Variants in GNAO1 observed in about 807,000 individuals in gnomAD.
GNAO1 encodes the protein G protein subunit alpha o1.
For missense variants in GNAO1, 166 were observed against 478.7 expected (o/e 0.35, Z 6.10); for synonymous variants, 164 against 180.7 (o/e 0.91, Z 0.74).
intron 2 of GNAO1, among the ~76,000 whole-genome samples, chr16:56,212,132 T>C (rs2036395053): frequency 6.6e-6 from 1 of 152,234 alleles, no homozygotes; most frequent in Non-Finnish European, 1.5e-5. Flanking sequence ...TGGCTTTTAC[T>C]GTTTAAAAAA....
At chr16:56,294,615 T>G (rs764019136) in intron 3 of GNAO1, among the ~76,000 whole-genome samples, 2 of 152,162 alleles carry the variant, frequency 1.3e-5, no homozygotes, top group Non-Finnish European at 2.9e-5. Context: ...TGTTTTCATT[T>G]CTTGTGGTAA....
intron 3 of GNAO1, among the ~76,000 whole-genome samples, chr16:56,314,349 A>C (rs34541615): frequency 0.21 from 32,540 of 152,088 alleles, 4,378 homozygotes; most frequent in East Asian, 0.59. Context: ...CTGAAATCCT[A>C]CTGCTTGCCG....
chr16:56,236,762 GA>G (rs2036641266), intron 2 of GNAO1, among the ~76,000 whole-genome samples: 1 of 152,182 alleles, frequency 6.6e-6, no homozygotes, highest in Non-Finnish European at 1.5e-5. Context: ...CTATGGCTTT[GA>G]GGGACTTTTG....
chr16:56,250,683 T>G (rs2036791480), intron 2 of GNAO1, among the ~76,000 whole-genome samples: 2 of 152,196 alleles, frequency 1.3e-5, no homozygotes, highest in African/African-American at 4.8e-5. Context: ...CCTGGGGCTG[T>G]AAGGATGTTA....
At chr16:56,341,678 T>G (rs755706211) in intron 6 of GNAO1, among the ~76,000 whole-genome samples, 8 of 152,160 alleles carry the variant, frequency 5.3e-5, no homozygotes, top group Non-Finnish European at 8.8e-5. Flanking sequence ...CTGCCAGTGC[T>G]GTGGTGGGTT....
chr16:56,334,895 T>C, intron 5 of GNAO1, 38 bp downstream of exon 5: 1 of 1,609,186 alleles, frequency 6.2e-7, no homozygotes, highest in Non-Finnish European at 8.5e-7. Flanking sequence ...TGGCGAGGGC[T>C]AAGATGGGAC....
chr16:56,298,212 T>C (rs77143940), intron 3 of GNAO1, among the ~76,000 whole-genome samples: 2,223 of 152,262 alleles, frequency 0.015, 39 homozygotes, highest in South Asian at 0.059. Context: ...TAGGATGATC[T>C]TCCGTATGTG....
At chr16:56,195,062 CCTTTA>C (rs1567433399) in intron 2 of GNAO1, among the ~76,000 whole-genome samples, 1 of 136,822 alleles carries the variant, frequency 7.3e-6, no homozygotes, top group Non-Finnish European at 1.5e-5. Flanking sequence ...CTTCTCTTTC[CCTTTA>C]CTTCTCCTTT....
chr16:56,210,099 A>G (rs1490129536), intron 2 of GNAO1, among the ~76,000 whole-genome samples: 1 of 152,198 alleles, frequency 6.6e-6, no homozygotes, highest in East Asian at 1.9e-4. Flanking sequence ...TACTGTCGCT[A>G]TAGCTTTGCC....
Position 56,332,862 on chromosome 16 carries a change from T to A in GNAO1, c.465-1867T>A, listed in dbSNP as rs193261532. 1.5e-3 allele frequency among the ~76,000 whole-genome samples: 232 copies of A among 152,358 alleles called. 2 individuals are homozygous for A. The highest frequency in any genetic ancestry group is 0.014 in the Admixed American group (211 of 15,308). ...CTGCAGATGACAGCAGAGGGCGTCC[T>A]CACAGCTTGGAAGCAGAGGTCATGG... On this transcript the variant is annotated intron_variant, in intron 4 of 8. Coordinates refer to ENST00000262493, the MANE Select transcript of GNAO1 (RefSeq NM_020988.3).
intron 2 of GNAO1, among the ~76,000 whole-genome samples, chr16:56,229,717 A>T (rs2036570402): frequency 6.6e-6 from 1 of 152,212 alleles, no homozygotes; most frequent in Non-Finnish European, 1.5e-5. Flanking sequence ...TCTCCATTTC[A>T]CAGATTAAAA....
intron 2 of GNAO1, among the ~76,000 whole-genome samples, chr16:56,261,190 G>A (rs1333388340): frequency 6.6e-6 from 1 of 152,226 alleles, no homozygotes; most frequent in Non-Finnish European, 1.5e-5. Flanking sequence ...TCCTCTCAGA[G>A]GACATGAGAA....
intron 3 of GNAO1, among the ~76,000 whole-genome samples, chr16:56,314,400 G>C (rs2037487887): frequency 6.6e-6 from 1 of 152,194 alleles, no homozygotes; most frequent in Non-Finnish European, 1.5e-5. Context: ...ATGAAGGAAG[G>C]GATGAGTCCG....
Position 56,351,588 on chromosome 16 carries a change from C to G in GNAO1, c.877+51C>G. 2 of 1,480,108 alleles carry G rather than the reference C, an allele frequency of 1.4e-6. No individual in the cohort carries two copies. The highest frequency in any genetic ancestry group is 1.9e-6 in the Non-Finnish European group (2 of 1,070,558). The allele number at this position is 1,480,108 out of a possible 1,614,324, so 91.7% of individuals were successfully genotyped here. On this transcript the variant is annotated intron_variant, in intron 7 of 8. Transcript: ENST00000262493. This position sits in a 1 kb window ranked among gnomAD's most constrained non-coding sequence, Gnocchi z 6.1. ...GGGGAAGCCTGCCCCTGACAGGGAC[C>G]CATGGCTCAGAGAACAGGCTGCTCG...
intron 2 of GNAO1, among the ~76,000 whole-genome samples, chr16:56,200,904 A>G (rs1302637673): frequency 6.6e-6 from 1 of 152,184 alleles, no homozygotes; most frequent in East Asian, 1.9e-4. Flanking sequence ...CCATTTTCAG[A>G]TTGCAACAGA....
chr16:56,199,954 C>G (rs544972197), intron 2 of GNAO1, among the ~76,000 whole-genome samples: 7 of 152,234 alleles, frequency 4.6e-5, no homozygotes, highest in African/African-American at 1.7e-4. Context: ...GTCAACCATC[C>G]TAGAAATAAG....
intron 2 of GNAO1, among the ~76,000 whole-genome samples, chr16:56,241,904 G>A (rs2143429154): frequency 6.6e-6 from 1 of 152,370 alleles, no homozygotes; most frequent in East Asian, 1.9e-4. Context: ...GGCAGAAACT[G>A]GCCTGAGCTG....
chr16:56,301,366 G>A (rs374117873), intron 3 of GNAO1, among the ~76,000 whole-genome samples: 9 of 152,142 alleles, frequency 5.9e-5, no homozygotes, highest in Admixed American at 2.0e-4. Context: ...GGGATGTGGG[G>A]GAGCCGGAAG....
chr16:56,287,228 T>A (rs1235603087), intron 3 of GNAO1, among the ~76,000 whole-genome samples: 1 of 152,180 alleles, frequency 6.6e-6, no homozygotes, highest in Non-Finnish European at 1.5e-5. Flanking sequence ...AGAAGAGGCC[T>A]CCACTAGAAG....
Sources: gnomAD v4.1 joint callset for allele counts (sites outside exome capture counted in the v4.1 genomes callset) on GRCh38, gnomAD v4.1.1 for gene constraint, Gnocchi (gnomAD v3.1) non-coding constraint, MANE v1.5 for transcripts, NCBI Gene and HGNC (gene_info 2026-07-23, HGNC 2026-07-21) for gene names.